Variants in SYT12 observed in about 807,000 individuals in gnomAD.
SYT12 encodes synaptotagmin 12.
A neutral mutation model predicts 39.5 loss-of-function variants in SYT12; 27 were observed. The ratio of observed to expected loss-of-function variants is 0.68; its 90% CI spans 0.50 to 0.94. The LOEUF (loss-of-function observed/expected upper bound fraction) is 0.94. SYT12 is among the 40% of genes least tolerant of loss of function. The probability of loss-of-function intolerance (pLI) is 0.00; values close to 1 mark genes in which losing one functional copy is unlikely to be tolerated. For missense variants in SYT12, 536 were observed against 572.6 expected (o/e 0.94, Z 0.65); for synonymous variants, 233 against 239.7 (o/e 0.97, Z 0.26).
intron 3 of SYT12, among the ~76,000 whole-genome samples, chr11:67,011,925 C>T (rs1457756343): frequency 6.6e-6 from 1 of 151,700 alleles, no homozygotes; most frequent in Non-Finnish European, 1.5e-5. Flanking sequence ...ACCACCACGT[C>T]CGGCTAATTT....
intron 6 of SYT12, chr11:67,045,505 G>A (rs1279736878): frequency 1.6e-5 from 9 of 555,182 alleles, no homozygotes; most frequent in South Asian, 4.1e-5. Flanking sequence ...GGAGGGGAGC[G>A]CGTGGGCTGT....
chr11:67,049,487 C>T lies in SYT12; in HGVS notation c.*730C>T, dbSNP rs1049884888. Reference sequence around the variant, plus strand: ...GTTATTCTCTGTCAAATCTACTCCCCGGACCTCAACCATGGCAAGAACCAG... The same window carrying T: ...GTTATTCTCTGTCAAATCTACTCCCTGGACCTCAACCATGGCAAGAACCAG... On this transcript the variant is annotated 3_prime_UTR_variant, in exon 8 of 8. Transcript: ENST00000527043. 2.6e-5 allele frequency: 4 copies of T among 152,266 alleles called. No individual in the cohort carries two copies. Among genetic ancestry groups the T allele is most frequent in the Non-Finnish European group, 5.9e-5 (4 of 68,104 alleles). 9.4% of individuals were successfully genotyped at this position (152,266 alleles called of 1,614,324 possible).
chr11:67,038,973 C>T (rs1312407843), intron 3 of SYT12, among the ~76,000 whole-genome samples: 1 of 148,564 alleles, frequency 6.7e-6, no homozygotes, highest in East Asian at 2.0e-4. Flanking sequence ...GGCGATGCAG[C>T]GAGACTCTGT....
At chr11:67,037,590 T>A (rs1950405988) in intron 3 of SYT12, among the ~76,000 whole-genome samples, 1 of 134,470 alleles carries the variant, frequency 7.4e-6, no homozygotes, top group African/African-American at 2.9e-5. Flanking sequence ...ATAAATAAAA[T>A]TAGCTAGGTG....
intron 1 of SYT12, chr11:67,028,800 C>T (rs1387606884): frequency 6.6e-6 from 1 of 152,228 alleles, no homozygotes; most frequent in African/African-American, 2.4e-5. Flanking sequence ...AGGTATCTGG[C>T]TTTTCTTTAA....
At chr11:67,019,133 C>A (rs1950083690), upstream of SYT12, among the ~76,000 whole-genome samples, 1 of 7,030 alleles carries the variant, frequency 1.4e-4, no homozygotes, top group African/African-American at 1.5e-4. Context: ...TACATGGTGG[C>A]AGACGAGAGA....
intron 6 of SYT12, 130 bp from the exon 7 acceptor site, chr11:67,045,614 T>C: frequency 7.9e-7 from 1 of 1,260,916 alleles, no homozygotes; most frequent in Non-Finnish European, 1.1e-6. Context: ...AAAGGACCAA[T>C]GGCAGGGCTG....
At chr11:67,018,822 C>CAA (rs528815983), upstream of SYT12, among the ~76,000 whole-genome samples, 7 of 137,754 alleles carry the variant, frequency 5.1e-5, no homozygotes, top group African/African-American at 8.0e-5. Context: ...GACTCCGTCT[C>CAA]AAAAAAAAAA....
At chr11:67,035,647 C>T (rs1382015742) in intron 3 of SYT12, among the ~76,000 whole-genome samples, 36 of 150,944 alleles carry the variant, frequency 2.4e-4, no homozygotes, top group Non-Finnish European at 2.5e-4. Context: ...TTAGTAGAGA[C>T]GGGGTTTCAC....
At chr11:67,044,464 A>G in intron 5 of SYT12, 129 bp from the exon 6 acceptor site, 1 of 1,298,880 alleles carries the variant, frequency 7.7e-7, no homozygotes. Context: ...CCCTGTGGTA[A>G]GGGGCCCCCA....
upstream of SYT12, among the ~76,000 whole-genome samples, chr11:67,020,998 G>C (rs1950104363): frequency 2.0e-5 from 3 of 152,168 alleles, no homozygotes; most frequent in Non-Finnish European, 2.9e-5. Context: ...CAAAGTGCTA[G>C]GATTACAGGC....
chr11:67,016,318 G>T (rs917594423), intron 3 of SYT12, among the ~76,000 whole-genome samples: 1 of 152,060 alleles, frequency 6.6e-6, no homozygotes, highest in Admixed American at 6.6e-5. Flanking sequence ...AGATGTTGCG[G>T]GAGGGAAGTG....
intron 3 of SYT12, among the ~76,000 whole-genome samples, chr11:67,014,744 G>A (rs1275887111): frequency 1.3e-5 from 2 of 152,124 alleles, no homozygotes; most frequent in Non-Finnish European, 2.9e-5. Flanking sequence ...GGGGGTCTGA[G>A]AACCCAGAGG....
At chr11:67,019,833 G>C (rs1341086779), upstream of SYT12, among the ~76,000 whole-genome samples, 2 of 151,372 alleles carry the variant, frequency 1.3e-5, no homozygotes, top group African/African-American at 2.4e-5. Flanking sequence ...GGTGGTCAAG[G>C]CTGCAGTAAG....
Position 67,044,561 on chromosome 11 carries a change from G to T in SYT12, c.838-32G>T, listed in dbSNP as rs1283574604. The T allele has an allele frequency of 2.5e-6, 4 of 1,605,940 alleles. No homozygotes were observed. In the Admixed American group the frequency reaches 6.7e-5, roughly 27 times the overall value. ...CTGGACCCCTCAAGTCGGGTGGGGA[G>T]AAGCCCTCTGAGCCACCTGTCTGTC... On this transcript the variant is annotated intron_variant, in intron 5 of 7. Coordinates refer to ENST00000527043, the MANE Select transcript of SYT12 (RefSeq NM_177963.4).
chr11:67,020,169 C>T (rs1950094804), upstream of SYT12, among the ~76,000 whole-genome samples: 1 of 152,056 alleles, frequency 6.6e-6, no homozygotes, highest in African/African-American at 2.4e-5. Flanking sequence ...GAGGTGACTT[C>T]TGTAGGATGT....
chr11:67,040,008 C>G lies in SYT12; in HGVS notation c.426C>G (p.Ser142=). 6.2e-7 allele frequency: 1 copy of G among 1,613,882 alleles called. No homozygotes were observed. Among genetic ancestry groups the G allele is most frequent in the South Asian group, 1.1e-5 (1 of 91,088 alleles). The change falls in exon 4 of 8, where the codon TCC becomes TCG. Residue 142 remains serine (S), a synonymous_variant. Transcript: ENST00000527043. The stretch of plus-strand genomic sequence containing the variant: ...CCGACTCCCTGAACTCCATCTCCTC[C>G]GTGAGCAACACCTTTGGGCAGGACT... The part of the protein sequence containing the change: ...QSADSLNSIS[S]VSNTFGQDFT...
intron 3 of SYT12, among the ~76,000 whole-genome samples, chr11:67,015,919 A>G (rs1950054776): frequency 6.6e-6 from 1 of 152,160 alleles, no homozygotes; most frequent in East Asian, 1.9e-4. Context: ...TTGAGAAGCC[A>G]GAGGCCTGGC....
chr11:67,043,723 G>A lies in SYT12; in HGVS notation c.707G>A (p.Arg236Gln), dbSNP rs367795366. The A allele has an allele frequency of 7.4e-5, 120 of 1,614,158 alleles. No homozygotes were observed. Among genetic ancestry groups the A allele is most frequent in the Middle Eastern group, 4.9e-4 (3 of 6,062 alleles). Residue 236 changes from arginine (R) to glutamine (Q), a missense_variant, in exon 5 of 8, where the codon CGG becomes CAG. Transcript: ENST00000527043. ...DPTALEEKSL[R>Q]FSVFGIDEDE... ...ACAGCCCTGGAGGAGAAGAGCCTGCGGTTTTCTGTATTTGGCATCGATGAG... is the reference window on the plus strand; with the variant it reads ...ACAGCCCTGGAGGAGAAGAGCCTGCAGTTTTCTGTATTTGGCATCGATGAG...
Sources: allele counts gnomAD v4.1 joint callset (sites outside exome capture counted in the v4.1 genomes callset), GRCh38; gene constraint gnomAD v4.1.1; transcripts MANE v1.5; gene names NCBI Gene and HGNC (gene_info 2026-07-23, HGNC 2026-07-21).